Variants in FCHSD2 observed in about 807,000 individuals in gnomAD.
The protein encoded by FCHSD2 is FCH and double SH3 domains 2.
Under a neutral mutation model 108.1 loss-of-function variants are expected in FCHSD2, and 38 were observed. The ratio of observed to expected loss-of-function variants is 0.35; its 90% confidence interval spans 0.27 to 0.46. FCHSD2 has a LOEUF of 0.46. FCHSD2 is among the 20% of genes least tolerant of loss of function. FCHSD2 has a pLI of 1.00. For missense variants in FCHSD2, 751 were observed against 897.8 expected, an observed-to-expected ratio of 0.84 and a Z score of 2.09; for synonymous variants, 279 against 314.7, an observed-to-expected ratio of 0.89 and a Z score of 1.20.
intron 3 of FCHSD2, among the ~76,000 whole-genome samples, chr11:73,076,441 G>T (rs1207088245): frequency 6.6e-6 from 1 of 152,154 alleles, no homozygotes; most frequent in Non-Finnish European, 1.5e-5. Flanking sequence ...AGACAGACAA[G>T]AAAGGAGACA....
At chr11:73,080,694 A>T (rs931855183) in intron 3 of FCHSD2, among the ~76,000 whole-genome samples, 2 of 152,286 alleles carry the variant, frequency 1.3e-5, no homozygotes, top group African/African-American at 4.8e-5. Flanking sequence ...CTGTAATCTC[A>T]GCACTTTCGG....
chr11:73,080,689 A>C (rs1302495252), intron 3 of FCHSD2, among the ~76,000 whole-genome samples: 1 of 151,994 alleles, frequency 6.6e-6, no homozygotes, highest in East Asian at 1.9e-4. Context: ...CACACCTGTA[A>C]TCTCAGCACT....
chr11:72,926,789 C>CA (rs1284228668), intron 8 of FCHSD2, among the ~76,000 whole-genome samples: 2 of 152,124 alleles, frequency 1.3e-5, no homozygotes, highest in Non-Finnish European at 2.9e-5. Flanking sequence ...GATCCCGTAA[C>CA]AAAAGGAGCT....
At chr11:73,025,199 T>G (rs564311992) in intron 3 of FCHSD2, among the ~76,000 whole-genome samples, 7 of 152,324 alleles carry the variant, frequency 4.6e-5, no homozygotes, top group African/African-American at 1.7e-4. Context: ...ATATGTTCAC[T>G]GCAACACTAT....
At chr11:73,002,194 G>T in intron 4 of FCHSD2, among the ~76,000 whole-genome samples, 1 of 152,022 alleles carries the variant, frequency 6.6e-6, no homozygotes, top group East Asian at 1.9e-4. Flanking sequence ...AAATTGCCTG[G>T]GTCCCTATCT....
At chr11:73,068,373 G>A (rs1859348049) in intron 3 of FCHSD2, among the ~76,000 whole-genome samples, 1 of 151,564 alleles carries the variant, frequency 6.6e-6, no homozygotes, top group African/African-American at 2.4e-5. Context: ...GGGGGGCGGA[G>A]AGAGAGCATC....
intron 2 of FCHSD2, among the ~76,000 whole-genome samples, chr11:73,085,526 C>T (rs1485344335): frequency 2.0e-5 from 3 of 152,010 alleles, no homozygotes; most frequent in Non-Finnish European, 2.9e-5. Flanking sequence ...TTCTCTTTTT[C>T]CCCTTTTGAG....
chr11:72,884,162 T>A (rs945259774), intron 12 of FCHSD2, among the ~76,000 whole-genome samples: 1 of 152,068 alleles, frequency 6.6e-6, no homozygotes, highest in African/African-American at 2.4e-5. Context: ...AAACATCACA[T>A]CATCTACGAA....
At chr11:72,841,625 G>T in intron 17 of FCHSD2, 42 bp from the exon 18 acceptor site, 1 of 1,541,542 alleles carries the variant, frequency 6.5e-7, no homozygotes. Context: ...CTCCCCTCCA[G>T]GAAGGAGAGC....
At chr11:73,038,851 GA>G (rs1261073530) in intron 3 of FCHSD2, among the ~76,000 whole-genome samples, 2 of 151,400 alleles carry the variant, frequency 1.3e-5, no homozygotes, top group East Asian at 1.9e-4. Context: ...AATAAAAGTT[GA>G]AAAAAAAGAT....
intron 4 of FCHSD2, among the ~76,000 whole-genome samples, chr11:73,007,216 C>G (rs1857759766): frequency 6.6e-6 from 1 of 152,038 alleles, no homozygotes; most frequent in African/African-American, 2.4e-5. Context: ...AATACAAAAC[C>G]ATTCATCCAT....
chr11:73,119,684 T>C lies in FCHSD2; in HGVS notation c.119+20347A>G, dbSNP rs368765590. On this transcript the variant is annotated intron_variant, in intron 2 of 19. Coordinates refer to ENST00000409418, the MANE Select transcript of FCHSD2 (RefSeq NM_014824.3). ...GGTTGGTCTCACTCCTGGCTTCAAGTGATCCTCCCACCTTGGCCTCCCAAA... is the reference window on the plus strand; with the variant it reads ...GGTTGGTCTCACTCCTGGCTTCAAGCGATCCTCCCACCTTGGCCTCCCAAA... Among the ~76,000 whole-genome samples the C allele has an allele frequency of 4.0e-4, 61 of 152,244 alleles. No individual in the cohort carries two copies. The South Asian group carries it at 0.012, about 31-fold the overall frequency.
intron 19 of FCHSD2, among the ~76,000 whole-genome samples, chr11:72,839,866 G>T (rs1239071550): frequency 6.6e-6 from 1 of 152,188 alleles, no homozygotes; most frequent in African/African-American, 2.4e-5. Context: ...TTCGGCAAGA[G>T]TGCGTTCAAC....
intron 3 of FCHSD2, among the ~76,000 whole-genome samples, chr11:73,032,590 A>T (rs550622423): frequency 6.6e-6 from 1 of 152,210 alleles, no homozygotes; most frequent in East Asian, 1.9e-4. Context: ...TAACTGAAAA[A>T]AAAAAAGCAC....
At chr11:73,069,505 T>C (rs1237811651) in intron 3 of FCHSD2, among the ~76,000 whole-genome samples, 4 of 151,606 alleles carry the variant, frequency 2.6e-5, no homozygotes, top group African/African-American at 9.7e-5. Flanking sequence ...AAGAATATGA[T>C]CACTAACAAA....
chr11:72,983,717 A>C, intron 8 of FCHSD2: 1 of 370,114 alleles, frequency 2.7e-6, no homozygotes, highest in Non-Finnish European at 5.3e-6. Flanking sequence ...TAGCTTCAAT[A>C]ATTTATTGAA....
chr11:72,849,854 C>G lies in FCHSD2; in HGVS notation c.1344G>C (p.Glu448Asp). ...CGAAAACATCCATGTTATCTTCAAACTCTTCGCCTTCTTCTCTTTCGGTAT... is the reference window on the plus strand; with the variant it reads ...CGAAAACATCCATGTTATCTTCAAAGTCTTCGCCTTCTTCTCTTTCGGTAT... ...NADTEREEGE[E>D]FEDNMDVFDD... The change falls in exon 14 of 20, where the codon GAG becomes GAC. Residue 448 changes from glutamate to aspartate, a missense_variant. Coordinates refer to ENST00000409418, the MANE Select transcript of FCHSD2 (RefSeq NM_014824.3). 6.2e-7 allele frequency: 1 copy of G among 1,613,452 alleles called. No individual in the cohort carries two copies. The highest frequency in any genetic ancestry group is 8.5e-7 in the Non-Finnish European group (1 of 1,179,424).
At chr11:72,968,591 G>A (rs1009743293) in intron 8 of FCHSD2, among the ~76,000 whole-genome samples, 2 of 152,190 alleles carry the variant, frequency 1.3e-5, no homozygotes, top group Admixed American at 1.3e-4. Context: ...CAATTATGCT[G>A]ACAGATGATA....
chr11:72,963,618 C>T (rs566131241), intron 8 of FCHSD2, among the ~76,000 whole-genome samples: 2 of 152,298 alleles, frequency 1.3e-5, no homozygotes, highest in South Asian at 4.1e-4. Context: ...ATAATTTTTC[C>T]ACAGATGGGT....
Sources: allele counts gnomAD v4.1 joint callset (sites outside exome capture counted in the v4.1 genomes callset), GRCh38; gene constraint gnomAD v4.1.1; transcripts MANE v1.5; gene names NCBI Gene and HGNC (gene_info 2026-07-23, HGNC 2026-07-21).